PEBP4: variants seen among roughly 807,000 people sequenced by gnomAD.
The protein encoded by PEBP4 is phosphatidylethanolamine-binding protein 4.
A neutral mutation model predicts 23.9 loss-of-function variants in PEBP4; 22 were observed. The ratio of observed to expected loss-of-function variants is 0.92; its 90% CI spans 0.66 to 1.31. The LOEUF (loss-of-function observed/expected upper bound fraction) is 1.31. Ranked by LOEUF, PEBP4 falls within the 40% of genes most tolerant of loss-of-function variation. PEBP4 has a pLI of 0.00. For synonymous variants in PEBP4, 112 were observed against 99.3 expected (o/e 1.13, Z -0.76); for missense variants, 324 against 281.7 (o/e 1.15, Z -1.07).
chr8:22,924,479 C>T (rs1476622639), intron 2 of PEBP4, among the ~76,000 whole-genome samples: 1 of 152,090 alleles, frequency 6.6e-6, no homozygotes, highest in African/African-American at 2.4e-5. Context: ...GGGCATGGCA[C>T]CTGTCACCAC....
chr8:22,770,804 G>A lies in PEBP4; in HGVS notation c.358-43584C>T, dbSNP rs117077181. ...CTGTGTGGTTTAACGGAAAGCACAC[G>A]TATCCACGCATCCGCTCAACATGTA... On this transcript the variant is annotated intron_variant, in intron 4 of 6. Transcript: ENST00000256404. Among the ~76,000 whole-genome samples, 1,356 of 152,290 alleles carry A rather than the reference G, an allele frequency of 8.9e-3. 63 individuals are homozygous for A. Among genetic ancestry groups the A allele is most frequent in the East Asian group, 0.064 (333 of 5,186 alleles).
chr8:22,792,188 A>G (rs1335047449), intron 4 of PEBP4, among the ~76,000 whole-genome samples: 2 of 152,156 alleles, frequency 1.3e-5, no homozygotes, highest in African/African-American at 4.8e-5. Context: ...TTCCAAACAC[A>G]TGTGAGGGAA....
rs1805796239 is a variant in PEBP4, at chr8:22,775,463, T to A, written c.357+42174A>T. On this transcript the variant is annotated intron_variant, in intron 4 of 6. Transcript: ENST00000256404. The surrounding 1 kb of genome is among the most constrained non-coding windows in gnomAD (Gnocchi z 4.8). ...GGAGGGGTGCGCAGGGGCCCGTGGG[T>A]GGTGTTCACGTATGGAGGGGGGGGA... Among the ~76,000 whole-genome samples, 1 of 151,312 alleles carries A rather than the reference T, an allele frequency of 6.6e-6. No homozygotes were observed. The highest frequency in any genetic ancestry group is 6.6e-5 in the Admixed American group (1 of 15,200).
chr8:22,925,572 A>T (rs1053628758), intron 2 of PEBP4, among the ~76,000 whole-genome samples: 14 of 152,326 alleles, frequency 9.2e-5, no homozygotes, highest in African/African-American at 3.1e-4. Flanking sequence ...GGCACACAGA[A>T]GGTGCCCTGG....
At chr8:22,805,299 G>T (rs561230847) in intron 4 of PEBP4, among the ~76,000 whole-genome samples, 1 of 152,314 alleles carries the variant, frequency 6.6e-6, no homozygotes, top group South Asian at 2.1e-4. Context: ...AAAGATGTAG[G>T]TTCACGGATT....
intron 4 of PEBP4, among the ~76,000 whole-genome samples, chr8:22,774,917 C>T (rs1265934217): frequency 2.0e-5 from 3 of 152,164 alleles, no homozygotes; most frequent in Non-Finnish European, 4.4e-5. Flanking sequence ...CCCTGTCCTC[C>T]CGTGCCCTCC....
rs532048877 is a variant in PEBP4 at position 22,830,300 on chromosome 8, T to G, written c.259-12565A>C. Among the ~76,000 whole-genome samples the G allele has an allele frequency of 1.0e-3, 154 of 148,682 alleles. 2 individuals carry two copies. Among genetic ancestry groups the G allele is most frequent in the South Asian group, 3.2e-3 (15 of 4,620 alleles). On this transcript the variant is annotated intron_variant, in intron 3 of 6. Transcript: ENST00000256404. Reference sequence around the variant, plus strand: ...GCGCACCACCACGCCTGGCTAATTTTTGTGTGTGTGTGTGTGTGTATTTTA... The same window carrying G: ...GCGCACCACCACGCCTGGCTAATTTGTGTGTGTGTGTGTGTGTGTATTTTA...
At chr8:22,902,776 C>CA (rs771459092) in intron 3 of PEBP4, among the ~76,000 whole-genome samples, 2 of 152,176 alleles carry the variant, frequency 1.3e-5, no homozygotes, top group Admixed American at 6.5e-5. Context: ...GGTTCTGCTA[C>CA]AAAAAAGATC....
intron 3 of PEBP4, among the ~76,000 whole-genome samples, chr8:22,880,990 C>G (rs775646116): frequency 2.0e-5 from 3 of 152,222 alleles, no homozygotes; most frequent in Admixed American, 2.0e-4. Flanking sequence ...GAGGTGGGGA[C>G]TGACCCCCAT....
At chr8:22,915,712 T>C (rs1446101063) in intron 3 of PEBP4, among the ~76,000 whole-genome samples, 1 of 152,182 alleles carries the variant, frequency 6.6e-6, no homozygotes, top group Non-Finnish European at 1.5e-5. Flanking sequence ...GAGAGGAGAC[T>C]CCACATGTAG....
intron 3 of PEBP4, among the ~76,000 whole-genome samples, chr8:22,833,075 G>A (rs1047683603): frequency 2.0e-5 from 3 of 152,146 alleles, no homozygotes; most frequent in Non-Finnish European, 2.9e-5. Context: ...CACAATAAAG[G>A]TTCTTGCCCA....
chr8:22,719,801 C>A (rs1257908406), intron 6 of PEBP4, among the ~76,000 whole-genome samples: 2 of 152,150 alleles, frequency 1.3e-5, no homozygotes, highest in African/African-American at 2.4e-5. Flanking sequence ...CAGGGAGGGG[C>A]AGGGTGGCTG....
At chr8:22,871,675 C>T (rs1808010337) in intron 3 of PEBP4, among the ~76,000 whole-genome samples, 1 of 151,696 alleles carries the variant, frequency 6.6e-6, no homozygotes, top group Admixed American at 6.6e-5. Context: ...CTGCCTCAGC[C>T]TCCTGAGTAG....
chr8:22,906,511 AAAAC>A lies in PEBP4; in HGVS notation c.258+13669_258+13672del, dbSNP rs1203382139. Among the ~76,000 whole-genome samples the A allele has an allele frequency of 2.0e-5, 3 of 152,328 alleles. No individual in the cohort carries two copies. The South Asian group carries it at 6.2e-4, about 32-fold the overall frequency. On this transcript the variant is annotated intron_variant, in intron 3 of 6. Transcript: ENST00000256404. ...CTTTCTCTCTCCTTAAATCTTTAAA[AAAAC>A]AAACAAACAAAAAACCCCTCTGTCT...
chr8:22,857,241 T>TACACACACACACACACACACAC (rs35324307), intron 3 of PEBP4, among the ~76,000 whole-genome samples: 1 of 148,126 alleles, frequency 6.8e-6, no homozygotes, highest in African/African-American at 2.5e-5. Context: ...AAATGAAACC[T>TACACACACACACACACACACAC]ACACACACAC....
At chr8:22,861,873 T>A (rs1807784302) in intron 3 of PEBP4, among the ~76,000 whole-genome samples, 2 of 152,210 alleles carry the variant, frequency 1.3e-5, no homozygotes, top group Non-Finnish European at 2.9e-5. Context: ...CTAGTCTCAA[T>A]CTTGCGCTTT....
chr8:22,810,728 G>GAC (rs1806607097), intron 4 of PEBP4, among the ~76,000 whole-genome samples: 1 of 150,882 alleles, frequency 6.6e-6, no homozygotes, highest in Admixed American at 6.6e-5. Context: ...GAGAGAGAGA[G>GAC]AAAGAGAAAG....
At chr8:22,792,059 A>G (rs10103275) in intron 4 of PEBP4, among the ~76,000 whole-genome samples, 52,624 of 150,318 alleles carry the variant, frequency 0.35, 9,604 homozygotes, top group Middle Eastern at 0.45. Context: ...GGGTCTCACT[A>G]TGTTGCCCAG....
At chr8:22,740,171 G>A (rs1804959443) in intron 4 of PEBP4, among the ~76,000 whole-genome samples, 1 of 152,194 alleles carries the variant, frequency 6.6e-6, no homozygotes, top group Non-Finnish European at 1.5e-5. Context: ...AGGATGGATG[G>A]AAGGAAAAAG....
Sources: allele counts gnomAD v4.1 joint callset (sites outside exome capture counted in the v4.1 genomes callset), GRCh38; gene constraint gnomAD v4.1.1; non-coding constraint Gnocchi (gnomAD v3.1); transcripts MANE v1.5; gene names NCBI Gene and HGNC (gene_info 2026-07-23, HGNC 2026-07-21).